Variants in MCC observed in about 807,000 individuals in gnomAD.
MCC encodes MCC regulator of Wnt signaling pathway.
Under a neutral mutation model 116.2 loss-of-function variants are expected in MCC, and 90 were observed. The observed-to-expected ratio is 0.77, with a 90% CI of 0.65 to 0.92. The LOEUF (loss-of-function observed/expected upper bound fraction) is 0.92. Ranked by LOEUF, MCC falls within the 40% of genes least tolerant of loss-of-function variation. The pLI is 0.00. For synonymous variants in MCC, 578 were observed against 510.5 expected (o/e 1.13, Z -1.78); for missense variants, 1,516 against 1,312.2 (o/e 1.16, Z -2.40).
chr5:113,071,257 T>C (rs940434231), intron 11 of MCC, 23 bp from the exon 12 acceptor site: 14 of 1,611,540 alleles, frequency 8.7e-6, no homozygotes, highest in Non-Finnish European at 1.2e-5. Flanking sequence ...AAAAATCAGA[T>C]TCACACTAGG....
At chr5:113,045,621 G>A (rs1027386017) in intron 16 of MCC, among the ~76,000 whole-genome samples, 1 of 152,014 alleles carries the variant, frequency 6.6e-6, no homozygotes, top group Non-Finnish European at 1.5e-5. Context: ...CCAACATGGT[G>A]AAAACTCATC....
chr5:113,138,573 A>C (rs1052791665), intron 5 of MCC, among the ~76,000 whole-genome samples: 1 of 152,290 alleles, frequency 6.6e-6, no homozygotes, highest in Non-Finnish European at 1.5e-5. Context: ...TCTTAATCTT[A>C]GACTTCCCAG....
intron 8 of MCC, among the ~76,000 whole-genome samples, chr5:113,097,130 A>C (rs1756073505): frequency 1.3e-5 from 2 of 152,186 alleles, no homozygotes; most frequent in African/African-American, 4.8e-5. Flanking sequence ...ACAAAAAAGA[A>C]GACTCAGCTT....
intron 3 of MCC, among the ~76,000 whole-genome samples, chr5:113,236,107 G>C (rs574421625): frequency 6.6e-6 from 1 of 152,256 alleles, no homozygotes; most frequent in East Asian, 1.9e-4. Context: ...CTGGCTGCAA[G>C]ATCCTCTTTT....
intron 3 of MCC, among the ~76,000 whole-genome samples, chr5:113,226,567 C>T (rs1763750884): frequency 6.6e-6 from 1 of 152,194 alleles, no homozygotes; most frequent in Admixed American, 6.5e-5. Context: ...AAGTAACTAA[C>T]AATTTAGTTT....
At chr5:113,419,375 T>G (rs1000212432) in intron 1 of MCC, among the ~76,000 whole-genome samples, 2 of 151,616 alleles carry the variant, frequency 1.3e-5, no homozygotes, top group Non-Finnish European at 2.9e-5. Context: ...CTTTTTTTTT[T>G]CTTGGTAGAG....
chr5:113,403,928 G>A (rs1769760037), intron 1 of MCC, among the ~76,000 whole-genome samples: 1 of 152,150 alleles, frequency 6.6e-6, no homozygotes, highest in Non-Finnish European at 1.5e-5. Context: ...GTGCACTGGT[G>A]TGATCTCAGC....
At chr5:113,451,894 G>A (rs1406279433) in intron 1 of MCC, among the ~76,000 whole-genome samples, 1 of 152,210 alleles carries the variant, frequency 6.6e-6, no homozygotes, top group African/African-American at 2.4e-5. Context: ...TCTGTGGGTT[G>A]GCTGGGTTAG....
At chr5:113,219,319 T>A (rs1246234965) in intron 3 of MCC, among the ~76,000 whole-genome samples, 1 of 152,228 alleles carries the variant, frequency 6.6e-6, no homozygotes, top group Non-Finnish European at 1.5e-5. Flanking sequence ...CCCTTGGCAA[T>A]GAATTCTGGA....
chr5:113,149,640 A>G (rs1759731200), intron 4 of MCC, among the ~76,000 whole-genome samples: 1 of 152,112 alleles, frequency 6.6e-6, no homozygotes, highest in Admixed American at 6.6e-5. Flanking sequence ...TCCATAGGTC[A>G]TTCTGGAAAG....
chr5:113,262,677 T>A (rs1193951190), intron 3 of MCC, among the ~76,000 whole-genome samples: 1 of 152,118 alleles, frequency 6.6e-6, no homozygotes, highest in Non-Finnish European at 1.5e-5. Flanking sequence ...GCAAATGGCA[T>A]CCAAACACAG....
At chr5:113,037,094 T>G (rs1751377705) in intron 17 of MCC, among the ~76,000 whole-genome samples, 1 of 152,246 alleles carries the variant, frequency 6.6e-6, no homozygotes, top group Non-Finnish European at 1.5e-5. Flanking sequence ...CAGTGAAGAT[T>G]CTGCTGCTTA....
At chr5:113,289,844 A>G (rs1308954834) in intron 3 of MCC, among the ~76,000 whole-genome samples, 3 of 152,216 alleles carry the variant, frequency 2.0e-5, no homozygotes, top group African/African-American at 7.2e-5. Context: ...AGTTTGTTGG[A>G]TTCTGCACCA....
At chr5:113,333,817 G>GTACATATA (rs1767769214) in intron 3 of MCC, among the ~76,000 whole-genome samples, 3 of 111,268 alleles carry the variant, frequency 2.7e-5, no homozygotes, top group African/African-American at 8.4e-5. Flanking sequence ...ATGTATATAT[G>GTACATATA]TACATATATG....
intron 1 of MCC, among the ~76,000 whole-genome samples, chr5:113,484,631 C>T (rs182343470): frequency 6.6e-6 from 1 of 152,266 alleles, no homozygotes; most frequent in Non-Finnish European, 1.5e-5. Flanking sequence ...TAAAGCAAAT[C>T]TATTTTGATA....
intron 8 of MCC, among the ~76,000 whole-genome samples, chr5:113,096,983 G>C (rs10077067): frequency 4.6e-5 from 7 of 151,984 alleles, no homozygotes; most frequent in African/African-American, 1.7e-4. Context: ...GAGAGGAGCG[G>C]TGTTGAGACA....
At chr5:113,424,320 A>T (rs1342949801) in intron 1 of MCC, among the ~76,000 whole-genome samples, 2 of 152,202 alleles carry the variant, frequency 1.3e-5, no homozygotes, top group Admixed American at 6.5e-5. Flanking sequence ...AGGAAACAGA[A>T]ATAATGCTGG....
At chr5:113,485,252 C>T (rs1291433125) in intron 1 of MCC, among the ~76,000 whole-genome samples, 2 of 152,092 alleles carry the variant, frequency 1.3e-5, no homozygotes, top group African/African-American at 2.4e-5. Flanking sequence ...CCAGCCTACT[C>T]CTGTTTAGAA....
chr5:113,143,211 C>G lies in MCC; in HGVS notation c.884+7G>C. On this transcript the variant is annotated splice_region_variant and intron_variant, in intron 5 of 18. Coordinates refer to ENST00000408903, the MANE Select transcript of MCC (RefSeq NM_001085377.2). Reference sequence around the variant, plus strand: ...GGGCAGAGTAAAAGCCGAATGGAGCCGCGTACCTGATGGTGGTGCCTTGCA... The same window carrying G: ...GGGCAGAGTAAAAGCCGAATGGAGCGGCGTACCTGATGGTGGTGCCTTGCA... The G allele has an allele frequency of 6.3e-7, 1 of 1,594,538 alleles. No individual in the cohort carries two copies. The highest frequency in any genetic ancestry group is 8.5e-7 in the Non-Finnish European group (1 of 1,171,884).
Sources: allele counts gnomAD v4.1 joint callset (sites outside exome capture counted in the v4.1 genomes callset), GRCh38; gene constraint gnomAD v4.1.1; transcripts MANE v1.5; gene names NCBI Gene and HGNC (gene_info 2026-07-23, HGNC 2026-07-21).